Variants in HECTD4 observed in about 807,000 individuals in gnomAD.
The protein encoded by HECTD4 is HECT domain E3 ubiquitin protein ligase 4.
HECTD4 carries 114 observed loss-of-function variants against 471.5 expected under a neutral mutation model. That is an observed-to-expected ratio of 0.24 (90% confidence interval 0.21 to 0.28). The LOEUF is 0.28. HECTD4 is among the 10% of genes least tolerant of loss of function. The pLI, the probability that HECTD4 is intolerant of heterozygous loss-of-function variation, is 1.00. For missense variants in HECTD4, 3,866 were observed against 5,651.5 expected, an observed-to-expected ratio of 0.68 and a Z score of 10.13; for synonymous variants, 2,012 against 2,256.0, an observed-to-expected ratio of 0.89 and a Z score of 3.07.
intron 29 of HECTD4, among the ~76,000 whole-genome samples, chr12:112,246,141 A>AAAT (rs1555253151): frequency 6.7e-6 from 1 of 148,900 alleles, no homozygotes; most frequent in Non-Finnish European, 1.5e-5. Flanking sequence ...CAAAAAAATA[A>AAAT]AAAATAAAAT....
Position 112,162,313 on chromosome 12 carries a change from G to C in HECTD4, c.*74C>G. ...TCCTCACGCAGGGCCCTGGAGGGAC[G>C]GGCCGCAGTGGTGGCTTCCCAAGCC... On this transcript the variant is annotated 3_prime_UTR_variant, in exon 76 of 76. Transcript: ENST00000682272. This position sits in a 1 kb window ranked among gnomAD's most constrained non-coding sequence, Gnocchi z 5.2. 1 of 1,584,434 alleles carries C rather than the reference G, an allele frequency of 6.3e-7. No individual in the cohort carries two copies. Among genetic ancestry groups the C allele is most frequent in the Non-Finnish European group, 8.6e-7 (1 of 1,156,248 alleles).
intron 1 of HECTD4, among the ~76,000 whole-genome samples, chr12:112,376,530 G>A (rs1173399008): frequency 6.6e-6 from 1 of 152,152 alleles, no homozygotes; most frequent in African/African-American, 2.4e-5. Flanking sequence ...ACAGGCATGA[G>A]CCACCACGCC....
intron 19 of HECTD4, 101 bp from the exon 20 acceptor site, chr12:112,258,697 A>T: frequency 3.5e-6 from 3 of 867,572 alleles, no homozygotes; most frequent in Non-Finnish European, 5.3e-6. Flanking sequence ...ATCTTTTTAC[A>T]ATCCTAGTCT....
chr12:112,381,791 C>A lies in HECTD4; in HGVS notation c.177+161G>T, dbSNP rs946437633. ...GAGAGCGGGGCGGGCGGTCCGCAGA[C>A]CTGCGGCCGCGGCCCCACCTGCCCG... On this transcript the variant is annotated intron_variant, in intron 1 of 75. Coordinates refer to ENST00000682272, the MANE Select transcript of HECTD4 (RefSeq NM_001388303.1). This position sits in a 1 kb window ranked among gnomAD's most constrained non-coding sequence, Gnocchi z 4.1. 6.6e-5 allele frequency among the ~76,000 whole-genome samples: 10 copies of A among 151,914 alleles called. No homozygotes were observed. The highest frequency in any genetic ancestry group is 2.4e-4 in the African/African-American group (10 of 41,418).
rs1005902 is a variant in HECTD4 at position 112,229,871 on chromosome 12, T to C, written c.6346A>G (p.Arg2116Gly). ...AATTGTGGAATGTACATCAGTGCTC[T>C]AGACAGAACCTAAATATAGAAGCAG... ...WTTTAEKVLS[R>G]ALMYIPQLGK... Residue 2116 changes from arginine (R) to glycine (G), a missense_variant, in exon 41 of 76, where the codon AGA becomes GGA. Physicochemically the swap from Arg to Gly is moderately radical, Grantham distance 125 (BLOSUM62 -2). Coordinates refer to ENST00000682272, the MANE Select transcript of HECTD4 (RefSeq NM_001388303.1). 4 of 1,612,594 alleles carry C rather than the reference T, an allele frequency of 2.5e-6. No individual in the cohort carries two copies. Among genetic ancestry groups the C allele is most frequent in the Non-Finnish European group, 3.4e-6 (4 of 1,179,238 alleles).
In HECTD4 at chr12:112,184,938, A is replaced by G. The variant is rs948857766; in HGVS notation, c.10028T>C (p.Ile3343Thr). The G allele has an allele frequency of 6.2e-7, 1 of 1,613,818 alleles. No homozygotes were observed. Among genetic ancestry groups the G allele is most frequent in the Non-Finnish European group, 8.5e-7 (1 of 1,179,856 alleles). The change falls in exon 61 of 76, where the codon ATC becomes ACC. Residue 3343 changes from isoleucine (I) to threonine (T), a missense_variant. By Grantham distance (89) the Ile-to-Thr change is moderately conservative. Transcript: ENST00000682272. This position sits in a 1 kb window ranked among gnomAD's most constrained non-coding sequence, Gnocchi z 9.1. ...CATGTCCTCGGGCTTGCTGCCTCCG[A>G]TGCTGAGCACGGTGGGGTCCGAGTC... ...TVDSDPTVLS[I>T]GGSKPEDMLW...
chr12:112,329,468 A>T (rs1288417224), intron 1 of HECTD4, among the ~76,000 whole-genome samples: 1 of 151,588 alleles, frequency 6.6e-6, no homozygotes, highest in Admixed American at 6.6e-5. Flanking sequence ...CCTGGGTTCA[A>T]ATGATTCTCG....
At chr12:112,371,442 G>A (rs2036667172) in intron 1 of HECTD4, among the ~76,000 whole-genome samples, 1 of 152,040 alleles carries the variant, frequency 6.6e-6, no homozygotes, top group African/African-American at 2.4e-5. Context: ...GGGCATGGTG[G>A]CACATGCCTG....
At chr12:112,236,697 G>C (rs891760720) in intron 35 of HECTD4, among the ~76,000 whole-genome samples, 1 of 152,196 alleles carries the variant, frequency 6.6e-6, no homozygotes, top group Non-Finnish European at 1.5e-5. Context: ...GCTGCTGTCA[G>C]TAAGGTATTA....
rs1857661607 is a variant in HECTD4 at position 112,173,288 on chromosome 12, T to C, written c.11595-427A>G. Among the ~76,000 whole-genome samples the C allele has an allele frequency of 6.6e-6, 1 of 152,218 alleles. No homozygotes were observed. Among genetic ancestry groups the C allele is most frequent in the African/African-American group, 2.4e-5 (1 of 41,462 alleles). On this transcript the variant is annotated intron_variant, in intron 66 of 75. Transcript: ENST00000682272. This position sits in a 1 kb window ranked among gnomAD's most constrained non-coding sequence, Gnocchi z 4.3. ...TCACTGCAGCCTTGAACTCCTGGACTCAAGCGATCCTCCCACCTCAGCCTC... is the reference window on the plus strand; with the variant it reads ...TCACTGCAGCCTTGAACTCCTGGACCCAAGCGATCCTCCCACCTCAGCCTC...
chr12:112,186,326 A>C (rs1225551819), intron 60 of HECTD4, among the ~76,000 whole-genome samples: 9 of 115,936 alleles, frequency 7.8e-5, no homozygotes, highest in African/African-American at 2.7e-4. Flanking sequence ...TTTTTTTTTA[A>C]TTATTTTTTT....
In HECTD4 at chr12:112,381,208, C is replaced by A. The variant is rs2036880448; in HGVS notation, c.177+744G>T. Reference sequence around the variant, plus strand: ...CTGCCCCCAAGGCCAAGCAGCTCAACTGATGAGATCTGCTGTTGCACCTGC... The same window carrying A: ...CTGCCCCCAAGGCCAAGCAGCTCAAATGATGAGATCTGCTGTTGCACCTGC... On this transcript the variant is annotated intron_variant, in intron 1 of 75. Coordinates refer to ENST00000682272, the MANE Select transcript of HECTD4 (RefSeq NM_001388303.1). This position sits in a 1 kb window ranked among gnomAD's most constrained non-coding sequence, Gnocchi z 4.1. Among the ~76,000 whole-genome samples, 1 of 152,156 alleles carries A rather than the reference C, an allele frequency of 6.6e-6. No homozygotes were observed. The highest frequency in any genetic ancestry group is 2.4e-5 in the African/African-American group (1 of 41,430).
chr12:112,287,613 A>G (rs1198737668), intron 7 of HECTD4, among the ~76,000 whole-genome samples: 2 of 152,164 alleles, frequency 1.3e-5, no homozygotes, highest in African/African-American at 4.8e-5. Context: ...TTTTCAAAAG[A>G]GGCTTGAAAA....
At chr12:112,273,147 C>T (rs1165063045) in intron 11 of HECTD4, among the ~76,000 whole-genome samples, 4 of 152,096 alleles carry the variant, frequency 2.6e-5, no homozygotes, top group Admixed American at 2.0e-4. Context: ...TGTTGCTTTA[C>T]GGGTAGGGGA....
At chr12:112,180,853 T>C (rs1566062912) in intron 62 of HECTD4, among the ~76,000 whole-genome samples, 1 of 152,082 alleles carries the variant, frequency 6.6e-6, no homozygotes, top group East Asian at 1.9e-4. Context: ...CCGAGGTCTT[T>C]GCTCAATGCC....
intron 9 of HECTD4, among the ~76,000 whole-genome samples, chr12:112,278,428 G>C (rs2034570028): frequency 6.6e-6 from 1 of 152,212 alleles, no homozygotes; most frequent in African/African-American, 2.4e-5. Context: ...TGTGCACTCT[G>C]AAGCCAAAAT....
intron 25 of HECTD4, among the ~76,000 whole-genome samples, chr12:112,248,802 C>G (rs2033814799): frequency 1.3e-5 from 2 of 152,138 alleles, no homozygotes; most frequent in South Asian, 4.1e-4. Context: ...TCAGGCTGGT[C>G]TTGAACTCCT....
chr12:112,307,569 T>C (rs2035291460), intron 6 of HECTD4, among the ~76,000 whole-genome samples: 1 of 152,248 alleles, frequency 6.6e-6, no homozygotes, highest in African/African-American at 2.4e-5. Context: ...TCTGCACTTG[T>C]GACAAGAAAT....
In HECTD4 at chr12:112,248,516, T is replaced by C. The variant is rs556277048; in HGVS notation, c.3951-4A>G. 2 of 1,588,882 alleles carry C rather than the reference T, an allele frequency of 1.3e-6. No individual in the cohort carries two copies. Among genetic ancestry groups the C allele is most frequent in the African/African-American group, 2.7e-5 (2 of 73,992 alleles). Reference sequence around the variant, plus strand: ...CACGTCTGGCTGAATCACTTCTCTGTGATCACAATGGAAATCAGTCAGATA... The same window carrying C: ...CACGTCTGGCTGAATCACTTCTCTGCGATCACAATGGAAATCAGTCAGATA... On this transcript the variant is annotated splice_polypyrimidine_tract_variant and splice_region_variant and intron_variant, in intron 25 of 75. Coordinates refer to ENST00000682272, the MANE Select transcript of HECTD4 (RefSeq NM_001388303.1).
Sources: gnomAD v4.1 joint callset for allele counts (sites outside exome capture counted in the v4.1 genomes callset) on GRCh38, gnomAD v4.1.1 for gene constraint, Gnocchi (gnomAD v3.1) non-coding constraint, MANE v1.5 for transcripts, NCBI Gene and HGNC (gene_info 2026-07-23, HGNC 2026-07-21) for gene names.